The following ACSF3 variants were observed in gnomAD, a reference collection of about 807,000 sequenced individuals.
The protein encoded by ACSF3 is malonate--CoA ligase ACSF3, mitochondrial.
ACSF3 carries 78 observed loss-of-function variants against 53.2 expected under a neutral mutation model. That is an observed-to-expected ratio of 1.47 (90% CI 1.22 to 1.77). The LOEUF (loss-of-function observed/expected upper bound fraction) is 1.77. ACSF3 is among the 40% of genes most tolerant of loss of function. The probability of loss-of-function intolerance (pLI) is 0.00; values close to 1 mark genes in which losing one functional copy is unlikely to be tolerated. For missense variants in ACSF3, 937 were observed against 771.1 expected (o/e 1.22, Z -2.55); for synonymous variants, 414 against 333.1 (o/e 1.24, Z -2.65).
intron 4 of ACSF3, among the ~76,000 whole-genome samples, chr16:89,105,569 C>G (rs1231355886): frequency 6.6e-6 from 1 of 152,220 alleles, no homozygotes; most frequent in Non-Finnish European, 1.5e-5. Flanking sequence ...CTTTGGCGGT[C>G]AGCTCTGTCC....
At chr16:89,147,617 G>A (rs1216766650) in intron 10 of ACSF3, 1 of 148,522 alleles carries the variant, frequency 6.7e-6, no homozygotes, top group Non-Finnish European at 1.5e-5. Context: ...CAAACATGCA[G>A]GTCTTGTGAG....
chr16:89,122,352 C>T, intron 7 of ACSF3: 1 of 408,306 alleles, frequency 2.4e-6, no homozygotes, highest in South Asian at 1.7e-5. Context: ...CTTGCTATAC[C>T]CACCTCCCCT....
chr16:89,107,491 T>C (rs1035178206), intron 4 of ACSF3, among the ~76,000 whole-genome samples: 1 of 152,266 alleles, frequency 6.6e-6, no homozygotes, highest in African/African-American at 2.4e-5. Flanking sequence ...CGTGCCTCAG[T>C]GTCACGTTTG....
At chr16:89,114,979 G>T in intron 6 of ACSF3, 1 of 260,764 alleles carries the variant, frequency 3.8e-6, no homozygotes, top group Non-Finnish European at 7.7e-6. Context: ...CTGATACCGG[G>T]CCCCTCTTGT....
intron 10 of ACSF3, among the ~76,000 whole-genome samples, chr16:89,146,636 T>G (rs1309442298): frequency 6.6e-6 from 1 of 152,186 alleles, no homozygotes; most frequent in Non-Finnish European, 1.5e-5. Flanking sequence ...ATCCCCTCAG[T>G]CATTTCACTT....
chr16:89,133,432 C>T (rs1436535807), intron 8 of ACSF3, among the ~76,000 whole-genome samples, 170 bp downstream of exon 8: 2 of 152,180 alleles, frequency 1.3e-5, no homozygotes, highest in South Asian at 4.1e-4. Flanking sequence ...GCCTCCTGAG[C>T]ACCCGGCCTC....
Position 89,112,264 on chromosome 16 carries a change from A to G in ACSF3, c.977+18A>G, listed in dbSNP as rs1976784225. 1.2e-6 allele frequency: 2 copies of G among 1,613,792 alleles called. No individual in the cohort carries two copies. Among genetic ancestry groups the G allele is most frequent in the Non-Finnish European group, 1.7e-6 (2 of 1,179,810 alleles). ...AAAATTAGGTAAGTGAAAAGAGCCC[A>G]CTTTCTCGTTCAGAAAGTCTTAAAG... On this transcript the variant is annotated intron_variant, in intron 5 of 10. Coordinates refer to ENST00000614302, the MANE Select transcript of ACSF3 (RefSeq NM_001243279.3).
chr16:89,107,356 G>A (rs965752645), intron 4 of ACSF3, among the ~76,000 whole-genome samples: 6 of 150,564 alleles, frequency 4.0e-5, no homozygotes, highest in East Asian at 2.0e-4. Context: ...GTCCCGTTGC[G>A]TGCATGCTGT....
rs564585126 is a variant in ACSF3 at position 89,149,857 on chromosome 16, G to C, written c.1613+3808G>C. 2.6e-5 allele frequency: 4 copies of C among 152,076 alleles called. No homozygotes were observed. The South Asian group carries it at 8.3e-4, about 32-fold the overall frequency. The allele number at this position is 152,076 out of a possible 1,614,324, so 9.4% of individuals were successfully genotyped here. A position where few individuals can be genotyped will look rare whatever the true frequency, so the allele number is the denominator to read the frequency against. On this transcript the variant is annotated intron_variant, in intron 10 of 10. Transcript: ENST00000614302. ...AACAGGAATAGAAGTTCTCACTCCA[G>C]GCTGCAGGTTTCAGGCTGTTTTTGG...
intron 6 of ACSF3, 39 bp downstream of exon 6, chr16:89,114,526 TGC>T: frequency 6.2e-7 from 1 of 1,606,726 alleles, no homozygotes; most frequent in Non-Finnish European, 8.5e-7. Context: ...TCTTCCACTG[TGC>T]TCTGAGCCCC....
chr16:89,136,412 A>G, intron 8 of ACSF3: 1 of 870,372 alleles, frequency 1.1e-6, no homozygotes, highest in South Asian at 1.8e-5. Context: ...TGGAAGCCGC[A>G]TGTCTTTGTC....
At chr16:89,140,542 C>G (rs1337020236) in intron 8 of ACSF3, among the ~76,000 whole-genome samples, 1 of 152,196 alleles carries the variant, frequency 6.6e-6, no homozygotes, top group African/African-American at 2.4e-5. Flanking sequence ...CATTTGGGAG[C>G]AAAAGTCCGA....
rs144570053 is a variant in ACSF3, at chr16:89,098,586, G to C, written c.-193-5G>C. ...TGGGACCTCAGCACAGATGCCCGTT[G>C]ACAGGTGTCCCACCGGCCTTCCGGG... On this transcript the variant is annotated splice_region_variant and splice_polypyrimidine_tract_variant and intron_variant, in intron 1 of 10. Transcript: ENST00000614302. The C allele has an allele frequency of 5.2e-3, 2,341 of 450,868 alleles. 15 individuals are homozygous for C. The highest frequency in any genetic ancestry group is 7.1e-3 in the Non-Finnish European group (1,584 of 224,050). 27.9% of individuals were successfully genotyped at this position (450,868 alleles called of 1,614,324 possible). A position where few individuals can be genotyped will look rare whatever the true frequency, so the allele number is the denominator to read the frequency against.
At chr16:89,100,199 C>T in intron 2 of ACSF3, among the ~76,000 whole-genome samples, 1 of 152,202 alleles carries the variant, frequency 6.6e-6, no homozygotes, top group East Asian at 1.9e-4. Context: ...TGGGAAGGGT[C>T]TGAGAGAGGC....
chr16:89,103,929 G>T (rs1975671509), intron 4 of ACSF3, among the ~76,000 whole-genome samples: 2 of 152,260 alleles, frequency 1.3e-5, no homozygotes, highest in Non-Finnish European at 2.9e-5. Flanking sequence ...GCAGATCAGG[G>T]ATGCTGCTTT....
intron 8 of ACSF3, among the ~76,000 whole-genome samples, chr16:89,140,700 G>T (rs915437849): frequency 1.3e-5 from 2 of 152,182 alleles, no homozygotes; most frequent in Non-Finnish European, 2.9e-5. Context: ...CATCCCCCCG[G>T]CCAGGAGTGC....
rs1028309475 is a variant in ACSF3 at position 89,156,106 on chromosome 16, C to T, written c.*1899C>T. On this transcript the variant is annotated 3_prime_UTR_variant, in exon 11 of 11. Coordinates refer to ENST00000614302, the MANE Select transcript of ACSF3 (RefSeq NM_001243279.3). ...TCCCTGTGCCAGGCTGGTCGGCCTT[C>T]GTGCACACAGTCCGCCAGTGCCCAG... Among the ~76,000 whole-genome samples the T allele has an allele frequency of 6.6e-6, 1 of 152,184 alleles. No homozygotes were observed. The highest frequency in any genetic ancestry group is 6.5e-5 in the Admixed American group (1 of 15,286).
intron 7 of ACSF3, among the ~76,000 whole-genome samples, chr16:89,122,103 A>C (rs562532625): frequency 3.7e-5 from 2 of 53,634 alleles, no homozygotes; most frequent in African/African-American, 1.1e-4. Context: ...AGGGCCGCAC[A>C]GTGTGTCCCG....
rs777119534 is a variant in ACSF3, at chr16:89,154,099, G to GCAGAT, written c.1623_1624insCAGAT (p.Ala542GlnfsTer132). 5.0e-6 allele frequency: 8 copies of GCAGAT among 1,612,804 alleles called. No individual in the cohort carries two copies. In the African/African-American group the frequency reaches 8.0e-5, roughly 16 times the overall value. ...GTGCTTGTCTCTGCAGAAATGTCCT[G>GCAGAT]GCCCCGTACGCGGTGCCCTCGGAGC... is the stretch of plus-strand genomic sequence containing the variant. On this transcript the variant is annotated frameshift_variant, in exon 11 of 11. Coordinates refer to ENST00000614302, the MANE Select transcript of ACSF3 (RefSeq NM_001243279.3). LOFTEE classifies it high-confidence loss of function.
Sources: gnomAD v4.1 joint callset for allele counts (sites outside exome capture counted in the v4.1 genomes callset) on GRCh38, gnomAD v4.1.1 for gene constraint, MANE v1.5 for transcripts, NCBI Gene and HGNC (gene_info 2026-07-23, HGNC 2026-07-21) for gene names.